ATP8B3: variants seen among roughly 807,000 people sequenced by gnomAD.
The protein encoded by ATP8B3 is ATPase phospholipid transporting 8B3, also known as phospholipid-transporting ATPase IK.
In ATP8B3, 141 loss-of-function variants were observed where a neutral mutation model predicts 140.9. That is an observed-to-expected ratio of 1.00 (90% confidence interval 0.87 to 1.15). The LOEUF (loss-of-function observed/expected upper bound fraction) is 1.15, where lower values mean the gene tolerates loss of function less well. ATP8B3 is among the 50% of genes most tolerant of loss of function. The pLI, the probability that ATP8B3 is intolerant of heterozygous loss-of-function variation, is 0.00. For missense variants in ATP8B3, 1,874 were observed against 1,740.6 expected (o/e 1.08, Z -1.36); for synonymous variants, 765 against 714.6 (o/e 1.07, Z -1.13).
chr19:1,810,307 GAGTGC>G (rs2069150988), intron 3 of ATP8B3, among the ~76,000 whole-genome samples: 1 of 152,138 alleles, frequency 6.6e-6, no homozygotes, highest in South Asian at 2.1e-4. Context: ...ACCCAGGCTG[GAGTGC>G]AGTAGCACAA....
chr19:1,784,440 G>A (rs755549442), intron 28 of ATP8B3, among the ~76,000 whole-genome samples: 2 of 152,138 alleles, frequency 1.3e-5, no homozygotes, highest in African/African-American at 4.8e-5. Context: ...CTTTGAGCCC[G>A]GAAGGTCGAG....
chr19:1,795,370 G>T (rs993625490), intron 18 of ATP8B3, among the ~76,000 whole-genome samples: 3 of 152,158 alleles, frequency 2.0e-5, no homozygotes, highest in African/African-American at 7.2e-5. Context: ...GGCCCACATG[G>T]CGAAAACCCA....
rs777906599 is a variant in ATP8B3, at chr19:1,810,676, T to A, written c.256A>T (p.Ser86Cys). Residue 86 changes from serine (S) to cysteine (C), a missense_variant, in exon 3 of 29, where the codon AGC becomes TGC. Physicochemically the swap from Ser to Cys is moderately radical, Grantham distance 112. This residue lies in a region of ATP8B3 where 1,032 missense variants were observed against 963.6 expected (regional missense o/e 1.07). Coordinates refer to ENST00000310127, the MANE Select transcript of ATP8B3 (RefSeq NM_138813.4). Reference sequence around the variant, plus strand: ...TCTCTCTGGCCGAGGCTGCCCATGCTGGTGGGGCTGTGGGAGAGAAGGGCC... The same window carrying A: ...TCTCTCTGGCCGAGGCTGCCCATGCAGGTGGGGCTGTGGGAGAGAAGGGCC... ...KYEWRPEGPTSMGSLGQREDL... is the reference protein window; with the variant it reads ...KYEWRPEGPTCMGSLGQREDL... 46 of 1,612,298 alleles carry A rather than the reference T, an allele frequency of 2.9e-5. No individual in the cohort carries two copies. The African/African-American group carries it at 5.9e-4, about 21-fold the overall frequency.
At position 1,811,741 on chromosome 19, in the gene ATP8B3, C is replaced by A; in HGVS notation, c.-5G>T. 1 of 1,581,582 alleles carries A rather than the reference C, an allele frequency of 6.3e-7. No individual in the cohort carries two copies. Among genetic ancestry groups the A allele is most frequent in the South Asian group, 1.1e-5 (1 of 88,400 alleles). On this transcript the variant is annotated 5_prime_UTR_variant, in exon 2 of 29. Transcript: ENST00000310127. ...CTGAGCGGGGCCAGTGCCCATTCAC[C>A]GCATGAGGAAAAGGGAGGTTCAGGG...
chr19:1,797,397 T>C, intron 14 of ATP8B3, among the ~76,000 whole-genome samples: 1 of 152,164 alleles, frequency 6.6e-6, no homozygotes, highest in South Asian at 2.1e-4. Context: ...AAGGACAGCC[T>C]GGAGCGGGAT....
At position 1,782,961 on chromosome 19, in the gene ATP8B3, C is replaced by T; in HGVS notation, c.*67G>A. On this transcript the variant is annotated 3_prime_UTR_variant, in exon 29 of 29. Transcript: ENST00000310127. ...CTAGGTGTAGGGGGGAGCTGTACTT[C>T]CTGGGAGGACACCTGCCCCTGTGGC... is the stretch of plus-strand genomic sequence containing the variant. 6.5e-7 allele frequency: 1 copy of T among 1,540,086 alleles called. No homozygotes were observed. Among genetic ancestry groups the T allele is most frequent in the Non-Finnish European group, 8.8e-7 (1 of 1,139,716 alleles).
Position 1,800,184 on chromosome 19 carries a change from C to A in ATP8B3, c.1344-29G>T. On this transcript the variant is annotated intron_variant, in intron 13 of 28. Transcript: ENST00000310127. The surrounding 1 kb of genome is among the most constrained non-coding windows in gnomAD (Gnocchi z 4.4). ...CAGAGGCACTCAGGGTCACGGTCAG[C>A]CCCGCCTGCTGTGTGCCATCCCCAT... The A allele has an allele frequency of 3.8e-6, 6 of 1,573,296 alleles. No individual in the cohort carries two copies. The highest frequency in any genetic ancestry group is 5.2e-6 in the Non-Finnish European group (6 of 1,158,956).
rs1235839750 is a variant in ATP8B3 at position 1,807,772 on chromosome 19, G to A, written c.516+450C>T. On this transcript the variant is annotated intron_variant, in intron 5 of 28. Transcript: ENST00000310127. This position sits in a 1 kb window ranked among gnomAD's most constrained non-coding sequence, Gnocchi z 5.9. ...TGAGAGTGTTTGCTCTGAAAACAGC[G>A]CCCCTGGCCGGATGCCGGCCCCACG... Among the ~76,000 whole-genome samples, 2 of 152,286 alleles carry A rather than the reference G, an allele frequency of 1.3e-5. No individual in the cohort carries two copies. Among genetic ancestry groups the A allele is most frequent in the African/African-American group, 2.4e-5 (1 of 41,482 alleles).
Position 1,800,329 on chromosome 19 carries a change from C to G in ATP8B3, c.1273G>C (p.Glu425Gln). 1 of 1,612,982 alleles carries G rather than the reference C, an allele frequency of 6.2e-7. No individual in the cohort carries two copies. Residue 425 changes from glutamate to glutamine, a missense_variant, in exon 13 of 29, where the codon GAG becomes CAG. Around this residue, in one of 3 missense-constraint regions of ATP8B3, gnomAD observed 1,032 missense variants for 963.6 expected, o/e 1.07. Coordinates refer to ENST00000310127, the MANE Select transcript of ATP8B3 (RefSeq NM_138813.4). This position sits in a 1 kb window ranked among gnomAD's most constrained non-coding sequence, Gnocchi z 4.4. The part of the protein sequence containing the change: ...SGVHGSSVAA[E>Q]SFFVFWSFLI... Reference sequence around the variant, plus strand: ...AAGCTCCAGAAGACGAAGAAGGACTCTGCGGCCACGCTGCTCCCATGCACC... The same window carrying G: ...AAGCTCCAGAAGACGAAGAAGGACTGTGCGGCCACGCTGCTCCCATGCACC...
At chr19:1,799,875 T>C in intron 14 of ATP8B3, 72 bp downstream of exon 14, 1 of 1,435,608 alleles carries the variant, frequency 7.0e-7, no homozygotes, top group Non-Finnish European at 9.5e-7. Flanking sequence ...CAGACGTGGC[T>C]CTGGTTCTCA....
chr19:1,782,491 C>T lies in ATP8B3; in HGVS notation c.*537G>A. 1 of 202,936 alleles carries T rather than the reference C, an allele frequency of 4.9e-6. No homozygotes were observed. The allele number at this position is 202,936 out of a possible 1,614,324, so 12.6% of individuals were successfully genotyped here. On this transcript the variant is annotated 3_prime_UTR_variant, in exon 29 of 29. Coordinates refer to ENST00000310127, the MANE Select transcript of ATP8B3 (RefSeq NM_138813.4). ...CCAGACTTGGTGGCAGAGTCTCCAC[C>T]TGAGATTTGTGGGTCTTGTCTGGAA...
At chr19:1,787,840 G>A (rs1165385949) in intron 24 of ATP8B3, among the ~76,000 whole-genome samples, 3 of 150,806 alleles carry the variant, frequency 2.0e-5, no homozygotes, top group Non-Finnish European at 2.9e-5. Context: ...TCAGGAGTTC[G>A]AGACCAGCCT....
chr19:1,783,479 C>T (rs1390080542), intron 28 of ATP8B3, among the ~76,000 whole-genome samples: 1 of 152,226 alleles, frequency 6.6e-6, no homozygotes, highest in Non-Finnish European at 1.5e-5. Context: ...TCAAGACCCA[C>T]TAATTGGCCT....
intron 14 of ATP8B3, 62 bp downstream of exon 14, chr19:1,799,885 A>G (rs1332801265): frequency 6.8e-7 from 1 of 1,481,166 alleles, no homozygotes; most frequent in South Asian, 1.2e-5. Flanking sequence ...TCTGGTTCTC[A>G]GGCACCCTGA....
intron 19 of ATP8B3, 31 bp downstream of exon 19, chr19:1,791,970 C>A (rs1377294114): frequency 6.4e-7 from 1 of 1,560,136 alleles, no homozygotes; most frequent in East Asian, 2.4e-5. Flanking sequence ...TGCCCACCCA[C>A]CCTGAGGTCC....
chr19:1,806,477 G>A lies in ATP8B3; in HGVS notation c.677+151C>T, dbSNP rs1005942193. 13 of 1,472,984 alleles carry A rather than the reference G, an allele frequency of 8.8e-6. No homozygotes were observed. The highest frequency in any genetic ancestry group is 2.8e-5 in the South Asian group (2 of 72,344). 91.2% of individuals were successfully genotyped at this position (1,472,984 alleles called of 1,614,324 possible). On this transcript the variant is annotated intron_variant, in intron 7 of 28. Coordinates refer to ENST00000310127, the MANE Select transcript of ATP8B3 (RefSeq NM_138813.4). The surrounding 1 kb of genome is among the most constrained non-coding windows in gnomAD (Gnocchi z 5.6). ...GCCTCTGTCCTCGTCCCGGCCAAACGCCTAATGAATGCAGGCCCGGTTCCT... is the reference window on the plus strand; with the variant it reads ...GCCTCTGTCCTCGTCCCGGCCAAACACCTAATGAATGCAGGCCCGGTTCCT...
chr19:1,783,288 G>T lies in ATP8B3; in HGVS notation c.3661-18C>A. On this transcript the variant is annotated intron_variant, in intron 28 of 28. Transcript: ENST00000310127. The stretch of plus-strand genomic sequence containing the variant: ...TTCTCCTCCTGAAGAGCAAAGGGGA[G>T]AGCAGGGGAAGCAGACTCCTATGCT... 1 of 1,602,070 alleles carries T rather than the reference G, an allele frequency of 6.2e-7. No homozygotes were observed. The highest frequency in any genetic ancestry group is 8.5e-7 in the Non-Finnish European group (1 of 1,174,140).
Position 1,807,486 on chromosome 19 carries a change from C to A in ATP8B3, c.517-220G>T. On this transcript the variant is annotated intron_variant, in intron 5 of 28. Coordinates refer to ENST00000310127, the MANE Select transcript of ATP8B3 (RefSeq NM_138813.4). The surrounding 1 kb of genome is among the most constrained non-coding windows in gnomAD (Gnocchi z 5.9). Reference sequence around the variant, plus strand: ...TCTCCCACACGCCTCGTCTCCCCAGCAAACTCCCCTTCTCCCGTCCAAGCC... The same window carrying A: ...TCTCCCACACGCCTCGTCTCCCCAGAAAACTCCCCTTCTCCCGTCCAAGCC... Among the ~76,000 whole-genome samples the A allele has an allele frequency of 6.6e-6, 1 of 152,230 alleles. No individual in the cohort carries two copies. Among genetic ancestry groups the A allele is most frequent in the East Asian group, 1.9e-4 (1 of 5,158 alleles).
intron 16 of ATP8B3, 114 bp downstream of exon 16, chr19:1,796,597 C>T: frequency 7.3e-7 from 1 of 1,364,114 alleles, no homozygotes; most frequent in Non-Finnish European, 9.7e-7. Context: ...GCCTCAGCGC[C>T]CCCCAAGCCA....
Sources: gnomAD v4.1 joint callset for allele counts (sites outside exome capture counted in the v4.1 genomes callset) on GRCh38, gnomAD v4.1.1 for gene constraint, gnomAD v4.1.1 regional missense constraint, Gnocchi (gnomAD v3.1) non-coding constraint, MANE v1.5 for transcripts, NCBI Gene and HGNC (gene_info 2026-07-23, HGNC 2026-07-21) for gene names.